TLE2: variants seen among roughly 807,000 people sequenced by gnomAD.
The protein encoded by TLE2 is transducin-like enhancer protein 2.
Under a neutral mutation model 97.2 loss-of-function variants are expected in TLE2, and 74 were observed. The observed-to-expected ratio is 0.76, with a 90% confidence interval of 0.63 to 0.92. TLE2 has a LOEUF of 0.92. Ranked by LOEUF, TLE2 falls within the 40% of genes least tolerant of loss-of-function variation. TLE2 has a pLI of 0.00. For missense variants in TLE2, 1,038 were observed against 1,008.7 expected (o/e 1.03, Z -0.39); for synonymous variants, 499 against 432.1 (o/e 1.15, Z -1.92).
At chr19:3,045,422 A>G (rs1432786944) in intron 1 of TLE2, among the ~76,000 whole-genome samples, 1 of 152,126 alleles carries the variant, frequency 6.6e-6, no homozygotes, top group Non-Finnish European at 1.5e-5. Context: ...TGCCTCAGCC[A>G]ATCCTGCTGC....
At chr19:3,020,061 T>G (rs1416598682) in intron 5 of TLE2, 1 of 433,960 alleles carries the variant, frequency 2.3e-6, no homozygotes, top group African/African-American at 2.0e-5. Flanking sequence ...GGTGGGCAGA[T>G]CACCTGAGGC....
rs749627803 is a variant in TLE2 at position 3,019,340 on chromosome 19, G to A, written c.493C>T (p.Gln165Ter). The A allele has an allele frequency of 2.5e-6, 4 of 1,570,442 alleles. No homozygotes were observed. The highest frequency in any genetic ancestry group is 3.4e-6 in the Non-Finnish European group (4 of 1,166,224). The change falls in exon 7 of 20, where the codon CAG (glutamine) becomes TAG (stop). Residue 165 changes from glutamine to a stop codon, truncating the protein, a stop_gained. Coordinates refer to ENST00000262953, the MANE Select transcript of TLE2 (RefSeq NM_003260.5). LOFTEE classifies it high-confidence loss of function. The surrounding 1 kb of genome is among the most constrained non-coding windows in gnomAD (Gnocchi z 5.1). Reference sequence around the variant, plus strand: ...TCCTCCTTGACAGCCGCCGCCAGCTGAGCCTGGGCAGCCAGGGCTCCAGAC... The same window carrying A: ...TCCTCCTTGACAGCCGCCGCCAGCTAAGCCTGGGCAGCCAGGGCTCCAGAC... ...ALSGALAAQA[Q>*]LAAAVKEDRA...
intron 13 of TLE2, among the ~76,000 whole-genome samples, chr19:3,009,327 C>T (rs2089541535): frequency 6.6e-6 from 1 of 152,208 alleles, no homozygotes; most frequent in Non-Finnish European, 1.5e-5. Flanking sequence ...GCAGCTTAAT[C>T]GCTGTTGCGT....
intron 5 of TLE2, 77 bp downstream of exon 5, chr19:3,024,943 G>A (rs565966172): frequency 7.9e-5 from 104 of 1,312,768 alleles, no homozygotes; most frequent in East Asian, 1.8e-4. Flanking sequence ...TGCCTGGGGC[G>A]TCCTCGCCCA....
chr19:3,009,737 C>T (rs1402153999), intron 12 of TLE2, 35 bp from the exon 13 acceptor site: 3 of 1,575,126 alleles, frequency 1.9e-6, no homozygotes, highest in African/African-American at 1.4e-5. Flanking sequence ...GTTTTGACGC[C>T]CTGGACCCAG....
chr19:3,028,714 T>C lies in TLE2; in HGVS notation c.114A>G (p.Gln38=). 1 of 1,612,606 alleles carries C rather than the reference T, an allele frequency of 6.2e-7. No individual in the cohort carries two copies. The highest frequency in any genetic ancestry group is 8.5e-7 in the Non-Finnish European group (1 of 1,179,674). ...IKEEFQFLQA[Q]YHSLKLECEK... ...GGGGCGGCCCCCCTCACCTGTGGTA[T>C]TGAGCCTGAAGAAACTGGAATTCTT... Residue 38 remains glutamine (Q), a synonymous_variant, in exon 2 of 20, where the codon CAA becomes CAG. Transcript: ENST00000262953.
intron 9 of TLE2, 130 bp from the exon 10 acceptor site, chr19:3,014,744 C>T: frequency 1.2e-6 from 1 of 850,544 alleles, no homozygotes; most frequent in East Asian, 3.3e-5. Context: ...CAGACCACTG[C>T]ACCCGTTTGC....
intron 4 of TLE2, 150 bp from the exon 5 acceptor site, chr19:3,025,232 TG>T (rs1193537119): frequency 6.6e-6 from 7 of 1,061,504 alleles, no homozygotes; most frequent in South Asian, 1.9e-5. Flanking sequence ...TAGCATGGCA[TG>T]GGCCGAGGTG....
rs754484852 is a variant in TLE2 at position 3,011,030 on chromosome 19, T to C, written c.1004A>G (p.Asp335Gly). 1.2e-6 allele frequency: 2 copies of C among 1,606,028 alleles called. No individual in the cohort carries two copies. Among genetic ancestry groups the C allele is most frequent in the South Asian group, 2.2e-5 (2 of 89,762 alleles). The change falls in exon 12 of 20, where the codon GAC (aspartate) becomes GGC (glycine). Residue 335 changes from aspartate (D) to glycine (G), a missense_variant. Transcript: ENST00000262953. ...ACAGGCAAGGTGCTCACCGACGCTG[T>C]CCGTGGAAGGTGCTGGCTTGGCAGC... is the stretch of plus-strand genomic sequence containing the variant. ...QLAAKPAPST[D>G]SVALRSPLTL...
At chr19:3,013,337 T>G (rs796472720) in intron 11 of TLE2, among the ~76,000 whole-genome samples, 4 of 152,102 alleles carry the variant, frequency 2.6e-5, no homozygotes, top group African/African-American at 9.6e-5. Context: ...CAGGCCTGAG[T>G]CCAGCCTAGC....
intron 14 of TLE2, among the ~76,000 whole-genome samples, chr19:3,007,590 A>T (rs967146553): frequency 3.9e-5 from 6 of 152,046 alleles, no homozygotes; most frequent in African/African-American, 1.4e-4. Context: ...GTCAAAGGTG[A>T]TATGGGACAG....
At chr19:2,999,031 C>T (rs930990264) in intron 19 of TLE2, among the ~76,000 whole-genome samples, 3 of 152,086 alleles carry the variant, frequency 2.0e-5, no homozygotes, top group Non-Finnish European at 4.4e-5. Flanking sequence ...CACGGTGGCT[C>T]GGCGCTTCCG....
intron 1 of TLE2, among the ~76,000 whole-genome samples, chr19:3,035,928 G>A (rs537393217): frequency 4.6e-5 from 7 of 152,332 alleles, no homozygotes; most frequent in Admixed American, 2.6e-4. Flanking sequence ...AGGGGAAAGC[G>A]AGTCACCCCC....
rs184827697 is a variant in TLE2, at chr19:3,022,626, C to T, written c.294+2394G>A. On this transcript the variant is annotated intron_variant, in intron 5 of 19. Coordinates refer to ENST00000262953, the MANE Select transcript of TLE2 (RefSeq NM_003260.5). ...ATGATCACACGGGGCTGGTGACTGC[C>T]GTGTAGGATAGCGGAACAGTAGTAT... Among the ~76,000 whole-genome samples the T allele has an allele frequency of 4.5e-3, 685 of 152,150 alleles. 5 individuals are homozygous for T. Among genetic ancestry groups the T allele is most frequent in the Non-Finnish European group, 7.5e-3 (509 of 67,982 alleles).
rs1599202873 is a variant in TLE2 at position 3,006,573 on chromosome 19, C to T, written c.1347G>A (p.Arg449=). The T allele has an allele frequency of 1.2e-6, 2 of 1,603,200 alleles. No individual in the cohort carries two copies. The highest frequency in any genetic ancestry group is 1.7e-6 in the Non-Finnish European group (2 of 1,175,994). ...CGCCATGGGCCAGCGTGTGCAGCTGCCGGGCGTGCCGCGGGATGCCCGCGC... is the reference window on the plus strand; with the variant it reads ...CGCCATGGGCCAGCGTGTGCAGCTGTCGGGCGTGCCGCGGGATGCCCGCGC... ...LVGAGIPRHA[R]QLHTLAHGEV... Residue 449 remains arginine (R), a synonymous_variant, in exon 15 of 20, where the codon CGG becomes CGA. Transcript: ENST00000262953.
At position 3,019,245 on chromosome 19, in the gene TLE2, G is replaced by C; in HGVS notation, c.550+38C>G. 5 of 1,550,720 alleles carry C rather than the reference G, an allele frequency of 3.2e-6. No homozygotes were observed. The highest frequency in any genetic ancestry group is 3.5e-6 in the Non-Finnish European group (4 of 1,155,960). On this transcript the variant is annotated intron_variant, in intron 7 of 19. Transcript: ENST00000262953. The surrounding 1 kb of genome is among the most constrained non-coding windows in gnomAD (Gnocchi z 5.1). Reference sequence around the variant, plus strand: ...ACTGCCAGTCGTCCTCCCCAGCCCCGTCTCCCCAGCCAATGCCACCCCGTG... The same window carrying C: ...ACTGCCAGTCGTCCTCCCCAGCCCCCTCTCCCCAGCCAATGCCACCCCGTG...
chr19:3,013,101 A>C (rs2089630783), intron 11 of TLE2, among the ~76,000 whole-genome samples: 1 of 152,118 alleles, frequency 6.6e-6, no homozygotes, highest in African/African-American at 2.4e-5. Context: ...TTCCCTGGTA[A>C]GTGTAGGGGA....
In TLE2 at chr19:3,005,845, C is replaced by T. The variant is rs559583253; in HGVS notation, c.1624G>A (p.Glu542Lys). The T allele has an allele frequency of 5.6e-6, 9 of 1,613,936 alleles. No homozygotes were observed. Among genetic ancestry groups the T allele is most frequent in the African/African-American group, 5.3e-5 (4 of 75,040 alleles). Residue 542 changes from glutamate (E) to lysine (K), a missense_variant, in exon 16 of 20, where the codon GAG (glutamate) becomes AAG (lysine). Transcript: ENST00000262953. ...CAGGCTGGGGCTGAGGAAGTCAGCT[C>T]GGCCTTGATACGGGGGGTGGGCGCC... ...LAAPTPRIKA[E>K]LTSSAPACYA...
rs2089802133 is a variant in TLE2, at chr19:3,019,882, A to G, written c.295-109T>C. 7.3e-7 allele frequency: 1 copy of G among 1,369,654 alleles called. No individual in the cohort carries two copies. The highest frequency in any genetic ancestry group is 9.9e-7 in the Non-Finnish European group (1 of 1,007,776). 84.8% of individuals were successfully genotyped at this position (1,369,654 alleles called of 1,614,324 possible). A position where few individuals can be genotyped will look rare whatever the true frequency, so the allele number is the denominator to read the frequency against. ...GCCACCCTCTCATCTTTGCCCCGGT[A>G]CTTCCCATTTCTCTTTTATCTTTTT... On this transcript the variant is annotated intron_variant, in intron 5 of 19. Coordinates refer to ENST00000262953, the MANE Select transcript of TLE2 (RefSeq NM_003260.5). This position sits in a 1 kb window ranked among gnomAD's most constrained non-coding sequence, Gnocchi z 5.1.
Sources: allele counts gnomAD v4.1 joint callset (sites outside exome capture counted in the v4.1 genomes callset), GRCh38; gene constraint gnomAD v4.1.1; non-coding constraint Gnocchi (gnomAD v3.1); transcripts MANE v1.5; gene names NCBI Gene and HGNC (gene_info 2026-07-23, HGNC 2026-07-21).